The following C3 variants were observed in gnomAD, a reference collection of about 807,000 sequenced individuals.
C3 encodes the protein complement C3, also known as C3 and PZP-like alpha-2-macroglobulin domain-containing protein 1.
In C3, 97 loss-of-function variants were observed where a neutral mutation model predicts 207.9. That is an observed-to-expected ratio of 0.47 (90% CI 0.40 to 0.55). The LOEUF is 0.55. C3 is among the 20% of genes least tolerant of loss of function. The probability of loss-of-function intolerance (pLI) is 0.00; values close to 1 mark genes in which losing one functional copy is unlikely to be tolerated. For missense variants in C3, 1,684 were observed against 2,171.7 expected (o/e 0.78, Z 4.46); for synonymous variants, 848 against 857.6 (o/e 0.99, Z 0.20).
At chr19:6,720,012 C>T (rs1425245573) in intron 1 of C3, among the ~76,000 whole-genome samples, 1 of 152,110 alleles carries the variant, frequency 6.6e-6, no homozygotes, top group Non-Finnish European at 1.5e-5. Flanking sequence ...TTGCAAGTCC[C>T]CAAGCTGCAA....
chr19:6,682,602 A>G, intron 33 of C3: 2 of 320,392 alleles, frequency 6.2e-6, no homozygotes, highest in Non-Finnish European at 1.2e-5. Flanking sequence ...GTTCTTTTTC[A>G]GTACCTTGGT....
chr19:6,700,474 T>TGTA, intron 19 of C3, among the ~76,000 whole-genome samples: 5 of 36,716 alleles, frequency 1.4e-4, no homozygotes, highest in Non-Finnish European at 1.2e-4. Context: ...ATATATGTAA[T>TGTA]ATATAATATA....
At position 6,710,772 on chromosome 19, in the gene C3, G is replaced by A; in HGVS notation, c.1553C>T (p.Pro518Leu). The A allele has an allele frequency of 6.2e-7, 1 of 1,613,840 alleles. No individual in the cohort carries two copies. Among genetic ancestry groups the A allele is most frequent in the African/African-American group, 1.3e-5 (1 of 75,064 alleles). Residue 518 changes from proline (P) to leucine (L), a missense_variant, in exon 13 of 41, where the codon CCC becomes CTC. Coordinates refer to ENST00000245907, the MANE Select transcript of C3 (RefSeq NM_000064.4). Reference protein sequence around the residue: ...REPGQDLVVLPLSITTDFIPS... With the variant: ...REPGQDLVVLLLSITTDFIPS... The stretch of plus-strand genomic sequence containing the variant: ...GATGAAGTCGGTGGTGATGGACAGG[G>A]GCAGCACCACCAGGTCCTGGCCGGG...
intron 19 of C3, 140 bp downstream of exon 19, chr19:6,701,987 G>A (rs1169698539): frequency 8.7e-6 from 6 of 690,886 alleles, no homozygotes; most frequent in Non-Finnish European, 1.3e-5. Context: ...ACAGTTCCTG[G>A]TAACAACACC....
Position 6,712,555 on chromosome 19 carries a change from T to G in C3, c.1072A>C (p.Thr358Pro). The change falls in exon 10 of 41, where the codon ACC (threonine) becomes CCC (proline). Residue 358 changes from threonine to proline, a missense_variant. Coordinates refer to ENST00000245907, the MANE Select transcript of C3 (RefSeq NM_000064.4). ...IVTSPYQIHF[T>P]KTPKYFKPGM... ...GGTTTGAAGTACTTGGGTGTCTTGG[T>G]GAAGTGGATCTGGTAGGGAGAGGTC... 3 of 1,614,124 alleles carry G rather than the reference T, an allele frequency of 1.9e-6. No homozygotes were observed. The highest frequency in any genetic ancestry group is 2.5e-6 in the Non-Finnish European group (3 of 1,180,000).
chr19:6,679,298 C>T (rs879060382), intron 37 of C3, 90 bp from the exon 38 acceptor site: 5 of 1,440,574 alleles, frequency 3.5e-6, no homozygotes, highest in Middle Eastern at 1.7e-4. Context: ...GAGCCTACCC[C>T]CCTTGGTATC....
intron 18 of C3, 55 bp from the exon 19 acceptor site, chr19:6,702,267 G>T: frequency 8.3e-6 from 10 of 1,200,680 alleles, no homozygotes; most frequent in South Asian, 1.2e-5. Flanking sequence ...GGGTGGTAGA[G>T]GGGAAGAACT....
chr19:6,709,063 C>T (rs11569429), intron 14 of C3, among the ~76,000 whole-genome samples: 17,387 of 152,174 alleles, frequency 0.11, 1,205 homozygotes, highest in Non-Finnish European at 0.14. Context: ...CCAAGCCAAC[C>T]CCATCTCCAT....
intron 11 of C3, among the ~76,000 whole-genome samples, 198 bp downstream of exon 11, chr19:6,712,059 C>A (rs1278801024): frequency 6.6e-6 from 1 of 152,090 alleles, no homozygotes; most frequent in Non-Finnish European, 1.5e-5. Context: ...AATGGCAGGA[C>A]CCCACTGTGC....
At position 6,678,027 on chromosome 19, in the gene C3, G is replaced by A. The variant is rs1568208410; in HGVS notation, c.4851-4C>T. The stretch of plus-strand genomic sequence containing the variant: ...CTTCCCGATGATGTAGCTGAGGCTG[G>A]AGGGAAGAATGGCAGGTCAGGAAGG... On this transcript the variant is annotated splice_region_variant and splice_polypyrimidine_tract_variant and intron_variant, in intron 40 of 40. Transcript: ENST00000245907. 1 of 1,614,206 alleles carries A rather than the reference G, an allele frequency of 6.2e-7. No homozygotes were observed. The highest frequency in any genetic ancestry group is 2.2e-5 in the East Asian group (1 of 44,882).
At chr19:6,686,530 T>C (rs1482865884) in intron 28 of C3, 6 of 729,502 alleles carry the variant, frequency 8.2e-6, no homozygotes, top group Non-Finnish European at 1.4e-5. Context: ...AACTTTCTCG[T>C]GTGGTTTACA....
intron 29 of C3, among the ~76,000 whole-genome samples, chr19:6,685,417 C>T (rs961791069): frequency 3.9e-5 from 6 of 152,102 alleles, no homozygotes; most frequent in African/African-American, 4.8e-5. Flanking sequence ...GAATGTCTAG[C>T]GACCCTGAGG....
chr19:6,702,562 T>C lies in C3; in HGVS notation c.2263A>G (p.Ile755Val). The C allele has an allele frequency of 2.5e-6, 4 of 1,613,336 alleles. No homozygotes were observed. The highest frequency in any genetic ancestry group is 3.4e-6 in the Non-Finnish European group (4 of 1,179,226). The change falls in exon 18 of 41, where the codon ATC becomes GTC. Residue 755 changes from isoleucine to valine, a missense_variant. Physicochemically the swap from Ile to Val is conservative, Grantham distance 29. This residue lies in a region of C3 where 1,280 missense variants were observed against 1,739.1 expected (regional missense o/e 0.74). Coordinates refer to ENST00000245907, the MANE Select transcript of C3 (RefSeq NM_000064.4). Reference sequence around the variant, plus strand: ...GAAACGATGTTCTCTTCTGCAATGATGTCCTCATCCAGGTTACCTGCAGGG... The same window carrying C: ...GAAACGATGTTCTCTTCTGCAATGACGTCCTCATCCAGGTTACCTGCAGGG... ...GLARSNLDED[I>V]IAEENIVSRS...
chr19:6,693,292 G>T, intron 25 of C3, 120 bp downstream of exon 25: 1 of 1,145,822 alleles, frequency 8.7e-7, no homozygotes, highest in Non-Finnish European at 1.3e-6. Context: ...CCTGGACTCT[G>T]CAGGTCCAGG....
chr19:6,692,171 T>C (rs866564909), intron 26 of C3, among the ~76,000 whole-genome samples: 1 of 152,010 alleles, frequency 6.6e-6, no homozygotes, highest in Non-Finnish European at 1.5e-5. Flanking sequence ...GTCATGATCA[T>C]GGCTCACTGC....
intron 1 of C3, 145 bp downstream of exon 1, chr19:6,720,371 A>G (rs1288130094): frequency 1.5e-6 from 1 of 671,354 alleles, no homozygotes; most frequent in Non-Finnish European, 2.8e-6. Context: ...AGGCAGCCCA[A>G]ATATATATAA....
intron 21 of C3, among the ~76,000 whole-genome samples, chr19:6,697,049 T>TAAAAATAAA (rs202245108): frequency 4.4e-5 from 4 of 91,550 alleles, no homozygotes; most frequent in African/African-American, 1.5e-4. Flanking sequence ...CTCAAAAAAA[T>TAAAAATAAA]AAACAAACAA....
Position 6,711,483 on chromosome 19 carries a change from C to T in C3, c.1270-287G>A, listed in dbSNP as rs11569575. On this transcript the variant is annotated intron_variant, in intron 11 of 40. Transcript: ENST00000245907. ...CTGCCTTTAAAGGTGGAGGAAGGGG[C>T]CATGAGCCAGGCCTTTAGGGTGCCC... Among the ~76,000 whole-genome samples, 9,177 of 152,144 alleles carry T rather than the reference C, an allele frequency of 0.06. 399 individuals carry two copies. The highest frequency in any genetic ancestry group is 0.088 in the Non-Finnish European group (6,000 of 67,990).
At chr19:6,714,470 T>C (rs760207709) in intron 4 of C3, 24 bp from the exon 5 acceptor site, 4 of 1,575,874 alleles carry the variant, frequency 2.5e-6, no homozygotes, top group Non-Finnish European at 3.5e-6. Context: ...GAGGGAAGGA[T>C]AGAGGATAAA....
Sources: gnomAD v4.1 joint callset for allele counts (sites outside exome capture counted in the v4.1 genomes callset) on GRCh38, gnomAD v4.1.1 for gene constraint, gnomAD v4.1.1 regional missense constraint, MANE v1.5 for transcripts, NCBI Gene and HGNC (gene_info 2026-07-23, HGNC 2026-07-21) for gene names.